The following ATXN7L1 variants were observed in gnomAD, a reference collection of about 807,000 sequenced individuals.
The protein encoded by ATXN7L1 is ataxin-7-like protein 1.
Under a neutral mutation model 70.8 loss-of-function variants are expected in ATXN7L1, and 15 were observed. That is an observed-to-expected ratio of 0.21 (90% CI 0.14 to 0.33). The LOEUF is 0.33. ATXN7L1 is among the 10% of genes least tolerant of loss of function. The probability of loss-of-function intolerance (pLI) is 1.00; values close to 1 mark genes in which losing one functional copy is unlikely to be tolerated. For synonymous variants in ATXN7L1, 440 were observed against 445.1 expected (o/e 0.99, Z 0.14); for missense variants, 975 against 1,097.1 (o/e 0.89, Z 1.57).
chr7:105,659,840 CT>C (rs1310756051), intron 4 of ATXN7L1, among the ~76,000 whole-genome samples: 2 of 152,150 alleles, frequency 1.3e-5, no homozygotes, highest in African/African-American at 4.8e-5. Flanking sequence ...CTCTTGACCC[CT>C]GGTTCCAAAC....
At chr7:105,822,158 C>G (rs1369920285) in intron 2 of ATXN7L1, among the ~76,000 whole-genome samples, 2 of 152,202 alleles carry the variant, frequency 1.3e-5, no homozygotes, top group Non-Finnish European at 2.9e-5. Flanking sequence ...ATAATGTCAG[C>G]TGGGCACAGT....
At chr7:105,718,201 C>A (rs1282647383) in intron 3 of ATXN7L1, among the ~76,000 whole-genome samples, 1 of 152,166 alleles carries the variant, frequency 6.6e-6, no homozygotes, top group East Asian at 1.9e-4. Flanking sequence ...TGTAGCTATG[C>A]TAGATAGCCC....
chr7:105,847,639 C>T (rs187469091), intron 2 of ATXN7L1, among the ~76,000 whole-genome samples: 25 of 152,284 alleles, frequency 1.6e-4, no homozygotes, highest in African/African-American at 5.3e-4. Context: ...TAGAGATGAA[C>T]AGATCCAGGT....
intron 3 of ATXN7L1, among the ~76,000 whole-genome samples, chr7:105,775,730 C>T (rs2116450764): frequency 6.6e-6 from 1 of 152,264 alleles, no homozygotes; most frequent in East Asian, 1.9e-4. Flanking sequence ...TGCTCAGACA[C>T]CAGACGAAAG....
At chr7:105,805,751 G>A (rs914683453) in intron 2 of ATXN7L1, among the ~76,000 whole-genome samples, 1 of 152,188 alleles carries the variant, frequency 6.6e-6, no homozygotes, top group Non-Finnish European at 1.5e-5. Context: ...GGGAGGGGCA[G>A]CCCGGGTCGT....
At chr7:105,814,524 A>G (rs1268794707) in intron 2 of ATXN7L1, among the ~76,000 whole-genome samples, 1 of 152,102 alleles carries the variant, frequency 6.6e-6, no homozygotes, top group Admixed American at 6.6e-5. Context: ...ATATTTACAT[A>G]TTTTAGGTTA....
intron 3 of ATXN7L1, among the ~76,000 whole-genome samples, chr7:105,676,847 C>G (rs1804740034): frequency 3.9e-5 from 6 of 151,976 alleles, no homozygotes; most frequent in Admixed American, 3.9e-4. Context: ...CTCAAAAAAA[C>G]AAAACAAAAC....
chr7:105,670,339 A>G (rs1803353914), intron 3 of ATXN7L1, among the ~76,000 whole-genome samples: 1 of 152,210 alleles, frequency 6.6e-6, no homozygotes, highest in Non-Finnish European at 1.5e-5. Context: ...AGATCCCTAT[A>G]GTTATTCTAA....
At chr7:105,817,957 T>C (rs1364655394) in intron 2 of ATXN7L1, among the ~76,000 whole-genome samples, 2 of 152,192 alleles carry the variant, frequency 1.3e-5, no homozygotes, top group Non-Finnish European at 2.9e-5. Context: ...GTAAAGGCTA[T>C]AGAATGTTCT....
At position 105,638,444 on chromosome 7, in the gene ATXN7L1, C is replaced by G. The variant is rs1797698054; in HGVS notation, c.1111G>C (p.Asp371His). ...CTCCCTGAAGACCCTAGCAGAGAAT[C>G]CTGTGCCGGCCCGGATTGGCTTGGA... ...ILPSQSGPAQ[D>H]SLLGSSGSSG... Residue 371 changes from aspartate to histidine, a missense_variant, in exon 7 of 12, where the codon GAT (aspartate) becomes CAT (histidine). By Grantham distance (81) the Asp-to-His change is moderately conservative. This residue lies in a region of ATXN7L1 where 635 missense variants were observed against 699.4 expected (regional missense o/e 0.91). Coordinates refer to ENST00000419735, the MANE Select transcript of ATXN7L1 (RefSeq NM_020725.2). The G allele has an allele frequency of 1.3e-6, 2 of 1,552,214 alleles. No individual in the cohort carries two copies. The highest frequency in any genetic ancestry group is 2.7e-5 in the African/African-American group (2 of 73,026).
intron 3 of ATXN7L1, among the ~76,000 whole-genome samples, chr7:105,684,209 T>G (rs1185819136): frequency 6.6e-6 from 1 of 152,236 alleles, no homozygotes; most frequent in East Asian, 1.9e-4. Context: ...ATCCCATGTC[T>G]GCGTTGTGGG....
intron 4 of ATXN7L1, among the ~76,000 whole-genome samples, chr7:105,660,320 A>G (rs931599432): frequency 2.0e-5 from 3 of 151,980 alleles, no homozygotes; most frequent in African/African-American, 7.3e-5. Flanking sequence ...AAATTCCTGA[A>G]CTTAACACAT....
chr7:105,614,954 G>T lies in ATXN7L1; in HGVS notation c.1518-138C>A. 1 of 1,063,682 alleles carries T rather than the reference G, an allele frequency of 9.4e-7. No homozygotes were observed. 65.9% of individuals were successfully genotyped at this position (1,063,682 alleles called of 1,614,324 possible). A position where few individuals can be genotyped will look rare whatever the true frequency, so the allele number is the denominator to read the frequency against. Reference sequence around the variant, plus strand: ...GACTATGGAGAATGGAGCCTTGAAGGATGGGAGAATCTGAAGCATGGCCCC... The same window carrying T: ...GACTATGGAGAATGGAGCCTTGAAGTATGGGAGAATCTGAAGCATGGCCCC... On this transcript the variant is annotated intron_variant, in intron 9 of 11. Transcript: ENST00000419735. The surrounding 1 kb of genome is among the most constrained non-coding windows in gnomAD (Gnocchi z 4.3).
intron 3 of ATXN7L1, among the ~76,000 whole-genome samples, chr7:105,784,054 T>G (rs1336537054): frequency 6.6e-6 from 1 of 152,148 alleles, no homozygotes; most frequent in Non-Finnish European, 1.5e-5. Context: ...CTCAACCTCC[T>G]GGGCTCAAGT....
chr7:105,729,776 C>T (rs1407765799), intron 3 of ATXN7L1, among the ~76,000 whole-genome samples: 2 of 144,226 alleles, frequency 1.4e-5, no homozygotes, highest in Non-Finnish European at 3.0e-5. Context: ...CTCACTCTGT[C>T]GCCCAGGCTG....
intron 7 of ATXN7L1, among the ~76,000 whole-genome samples, chr7:105,636,454 C>CT (rs1421743560): frequency 2.0e-5 from 3 of 150,624 alleles, no homozygotes; most frequent in Admixed American, 6.6e-5. Flanking sequence ...TCTGCCCCCC[C>CT]CACCCCCACT....
chr7:105,692,897 A>T (rs1791199163), intron 3 of ATXN7L1, among the ~76,000 whole-genome samples: 1 of 150,528 alleles, frequency 6.6e-6, no homozygotes, highest in Non-Finnish European at 1.5e-5. Context: ...CTAATTTTTA[A>T]ATCTTTTGTA....
At chr7:105,748,207 C>T (rs1188873783) in intron 3 of ATXN7L1, among the ~76,000 whole-genome samples, 1 of 151,696 alleles carries the variant, frequency 6.6e-6, no homozygotes, top group Non-Finnish European at 1.5e-5. Flanking sequence ...TTTGCACACA[C>T]AACACCCAAC....
intron 3 of ATXN7L1, among the ~76,000 whole-genome samples, chr7:105,665,905 G>A (rs1802543059): frequency 1.3e-5 from 2 of 152,200 alleles, no homozygotes; most frequent in Admixed American, 1.3e-4. Flanking sequence ...GGATGTCAAC[G>A]CTTGAGGCAG....
Sources: allele counts gnomAD v4.1 joint callset (sites outside exome capture counted in the v4.1 genomes callset), GRCh38; gene constraint gnomAD v4.1.1; regional missense constraint gnomAD v4.1.1; non-coding constraint Gnocchi (gnomAD v3.1); transcripts MANE v1.5; gene names NCBI Gene and HGNC (gene_info 2026-07-23, HGNC 2026-07-21).